Variants in MAP6D1 observed in about 807,000 individuals in gnomAD.
MAP6D1 encodes MAP6 domain-containing protein 1.
Under a neutral mutation model 17.4 loss-of-function variants are expected in MAP6D1, and 13 were observed. The observed-to-expected ratio is 0.75, with a 90% CI of 0.49 to 1.19. MAP6D1 has a LOEUF of 1.19. Among genes scored for constraint, MAP6D1 ranks in the 50% most tolerant of loss-of-function variants. MAP6D1 has a pLI of 0.00. For synonymous variants in MAP6D1, 141 were observed against 145.7 expected, an observed-to-expected ratio of 0.97 and a Z score of 0.23; for missense variants, 313 against 312.6, an observed-to-expected ratio of 1.00 and a Z score of -0.01.
In MAP6D1 at chr3:183,819,961, G is replaced by A. The variant is rs116875151; in HGVS notation, c.402-1850C>T. Reference sequence around the variant, plus strand: ...CAAGGACTGCCTTCCAGAAGTGGGCGGGGCTAGCAACTGGGCCAAAGATGC... The same window carrying A: ...CAAGGACTGCCTTCCAGAAGTGGGCAGGGCTAGCAACTGGGCCAAAGATGC... On this transcript the variant is annotated intron_variant, in intron 1 of 2. Transcript: ENST00000318631. Among the ~76,000 whole-genome samples, 36 of 152,326 alleles carry A rather than the reference G, an allele frequency of 2.4e-4. No homozygotes were observed. In the East Asian group the frequency reaches 4.6e-3, roughly 20 times the overall value.
At chr3:183,820,864 G>A (rs765846983) in intron 1 of MAP6D1, among the ~76,000 whole-genome samples, 15 of 151,896 alleles carry the variant, frequency 9.9e-5, no homozygotes, top group East Asian at 3.9e-4. Flanking sequence ...CCAAGGTTGC[G>A]CCACTGCACT....
intron 1 of MAP6D1, chr3:183,820,321 A>T (rs1278708461): frequency 6.6e-6 from 1 of 152,220 alleles, no homozygotes; most frequent in Non-Finnish European, 1.5e-5. Context: ...CAGGTCCCAG[A>T]GCTGGAAGGT....
chr3:183,822,240 A>AACACACACACAC (rs60341893), intron 1 of MAP6D1, among the ~76,000 whole-genome samples: 29 of 138,696 alleles, frequency 2.1e-4, no homozygotes, highest in Admixed American at 1.8e-3. Context: ...CCATCTCTAA[A>AACACACACACAC]ACACACACAC....
chr3:183,823,030 C>G (rs1727295250), intron 1 of MAP6D1, among the ~76,000 whole-genome samples: 1 of 152,216 alleles, frequency 6.6e-6, no homozygotes, highest in Non-Finnish European at 1.5e-5. Flanking sequence ...AGGTCTTGCT[C>G]TGTTGCCTAG....
At chr3:183,822,813 C>T (rs1418803538) in intron 1 of MAP6D1, among the ~76,000 whole-genome samples, 1 of 152,208 alleles carries the variant, frequency 6.6e-6, no homozygotes, top group Non-Finnish European at 1.5e-5. Context: ...GGGTCCTGAG[C>T]GTGCAGCGCA....
At chr3:183,819,941 A>G (rs145353422) in intron 1 of MAP6D1, among the ~76,000 whole-genome samples, 135 of 152,334 alleles carry the variant, frequency 8.9e-4, no homozygotes, top group African/African-American at 3.2e-3. Context: ...GGGAGCAAGG[A>G]CTGCCTTCCA....
chr3:183,817,862 T>A (rs1004914271), intron 2 of MAP6D1, 132 bp downstream of exon 2: 19 of 768,364 alleles, frequency 2.5e-5, no homozygotes, highest in Non-Finnish European at 4.2e-5. Context: ...GGGTTTTTGT[T>A]CGGGACATCT....
intron 1 of MAP6D1, among the ~76,000 whole-genome samples, chr3:183,823,241 A>G (rs1727299106): frequency 6.6e-6 from 1 of 151,854 alleles, no homozygotes; most frequent in Non-Finnish European, 1.5e-5. Context: ...TGATCCTCCC[A>G]CCTAAGCTTC....
chr3:183,824,906 T>C (rs1019490763), intron 1 of MAP6D1, among the ~76,000 whole-genome samples: 11 of 152,210 alleles, frequency 7.2e-5, no homozygotes, highest in African/African-American at 2.4e-4. Context: ...AGGGCAGCGG[T>C]GCGCTCCCGG....
In MAP6D1 at chr3:183,825,281, G is replaced by C. The variant is rs1485054342; in HGVS notation, c.267C>G (p.Arg89=). The change falls in exon 1 of 3, where the codon CGC becomes CGG. Residue 89 remains arginine, a synonymous_variant. Transcript: ENST00000318631. ...PAGPKDPPPG[R]GPGAGGRRGK... is the part of the protein sequence containing the mutation. The stretch of plus-strand genomic sequence containing the variant: ...CCCTGCGGCCGCCCGCCCCCGGTCC[G>C]CGCCCCGGCGGCGGATCCTTGGGCC... 1 of 1,337,522 alleles carries C rather than the reference G, an allele frequency of 7.5e-7. No homozygotes were observed. The highest frequency in any genetic ancestry group is 1.5e-5 in the African/African-American group (1 of 64,754). 82.9% of individuals were successfully genotyped at this position (1,337,522 alleles called of 1,614,324 possible).
In MAP6D1 at chr3:183,817,312, C is replaced by T. The variant is rs773014372; in HGVS notation, c.*44G>A. The T allele has an allele frequency of 6.5e-7, 1 of 1,540,530 alleles. No homozygotes were observed. ...CGGCAGTGGGTCCTGAGGCCGCTCC[C>T]CAGCCCTGTCCTGTCGGCAGCCATG... On this transcript the variant is annotated 3_prime_UTR_variant, in exon 3 of 3. Coordinates refer to ENST00000318631, the MANE Select transcript of MAP6D1 (RefSeq NM_024871.4).
chr3:183,817,948 A>G (rs1223024534), intron 2 of MAP6D1, 46 bp downstream of exon 2: 12 of 1,431,348 alleles, frequency 8.4e-6, no homozygotes, highest in Non-Finnish European at 1.2e-5. Context: ...ACCCGGGGAA[A>G]GAGGCCTCTA....
intron 1 of MAP6D1, among the ~76,000 whole-genome samples, chr3:183,820,658 A>G (rs962312147): frequency 1.4e-4 from 21 of 151,734 alleles, no homozygotes; most frequent in African/African-American, 4.6e-4. Flanking sequence ...CCAGCACTTC[A>G]GGAGGCTGGG....
rs529157728 is a variant in MAP6D1, at chr3:183,819,884, T to C, written c.402-1773A>G. On this transcript the variant is annotated intron_variant, in intron 1 of 2. Transcript: ENST00000318631. ...GGCCAAGTCTTGTGGAACTTGAATA[T>C]CAGCCCTTTAACTGCCCCACCTAGG... Among the ~76,000 whole-genome samples the C allele has an allele frequency of 1.1e-4, 16 of 151,886 alleles. 1 individual carries two copies. The South Asian group carries it at 3.3e-3, about 31-fold the overall frequency.
At position 183,825,557 on chromosome 3, in the gene MAP6D1, G is replaced by A; in HGVS notation, c.-10C>T. The A allele has an allele frequency of 9.1e-6, 11 of 1,207,602 alleles. No homozygotes were observed. Among genetic ancestry groups the A allele is most frequent in the Non-Finnish European group, 1.1e-5 (11 of 974,254 alleles). The allele number at this position is 1,207,602 out of a possible 1,614,324, so 74.8% of individuals were successfully genotyped here. On this transcript the variant is annotated 5_prime_UTR_variant, in exon 1 of 3. Coordinates refer to ENST00000318631, the MANE Select transcript of MAP6D1 (RefSeq NM_024871.4). ...TACAGGGCCACGCCATGCCAGCCCC[G>A]GCGCCCGCCGCCCCGCTCCCGGCGC...
rs1727124836 is a variant in MAP6D1, at chr3:183,816,972, C to T, written c.*384G>A. 7.4e-5 allele frequency: 17 copies of T among 230,198 alleles called. No individual in the cohort carries two copies. In the South Asian group the frequency reaches 9.2e-4, roughly 12 times the overall value. 14.3% of individuals were successfully genotyped at this position (230,198 alleles called of 1,614,324 possible). On this transcript the variant is annotated 3_prime_UTR_variant, in exon 3 of 3. Transcript: ENST00000318631. ...CAAGTGCTCACGCATCCTGGGAAATCCACCAAAAGTGGACATAACTGGTTC... is the reference window on the plus strand; with the variant it reads ...CAAGTGCTCACGCATCCTGGGAAATTCACCAAAAGTGGACATAACTGGTTC...
At chr3:183,819,444 C>T (rs1410511072) in intron 1 of MAP6D1, among the ~76,000 whole-genome samples, 1 of 152,220 alleles carries the variant, frequency 6.6e-6, no homozygotes, top group Non-Finnish European at 1.5e-5. Context: ...GCCCGCTGCC[C>T]TGAGGTGGCT....
chr3:183,818,999 G>A (rs1396788849), intron 1 of MAP6D1, among the ~76,000 whole-genome samples: 1 of 152,262 alleles, frequency 6.6e-6, no homozygotes, highest in Non-Finnish European at 1.5e-5. Flanking sequence ...TGCAAGATGG[G>A]GAGCTCAGAA....
rs1727093903 is a variant in MAP6D1 at position 183,816,022 on chromosome 3, A to G, written c.*1334T>C. 6.6e-6 allele frequency: 1 copy of G among 152,232 alleles called. No individual in the cohort carries two copies. Among genetic ancestry groups the G allele is most frequent in the Non-Finnish European group, 1.5e-5 (1 of 68,040 alleles). The allele number at this position is 152,232 out of a possible 1,614,324, so 9.4% of individuals were successfully genotyped here. On this transcript the variant is annotated 3_prime_UTR_variant, in exon 3 of 3. Coordinates refer to ENST00000318631, the MANE Select transcript of MAP6D1 (RefSeq NM_024871.4). The stretch of plus-strand genomic sequence containing the variant: ...TTTCTCTTAGAAAAATCAAACATGC[A>G]AGCCGTGAAGTCAGGAATAGCTGAA...
Sources: gnomAD v4.1 joint callset for allele counts (sites outside exome capture counted in the v4.1 genomes callset) on GRCh38, gnomAD v4.1.1 for gene constraint, MANE v1.5 for transcripts, NCBI Gene and HGNC (gene_info 2026-07-23, HGNC 2026-07-21) for gene names.